Variants in PTPRD observed in about 807,000 individuals in gnomAD.
PTPRD encodes the protein receptor-type tyrosine-protein phosphatase delta.
PTPRD carries 34 observed loss-of-function variants against 214.5 expected under a neutral mutation model. The ratio of observed to expected loss-of-function variants is 0.16; its 90% CI spans 0.12 to 0.21. The LOEUF (loss-of-function observed/expected upper bound fraction) is 0.21, where lower values mean the gene tolerates loss of function less well. Ranked by LOEUF, PTPRD falls within the 10% of genes least tolerant of loss-of-function variation. PTPRD has a pLI of 1.00. For synonymous variants in PTPRD, 1,128 were observed against 845.7 expected, an observed-to-expected ratio of 1.33 and a Z score of -5.79; for missense variants, 2,545 against 2,398.7, an observed-to-expected ratio of 1.06 and a Z score of -1.27.
chr9:8,948,421 ATATTTAT>A (rs2099079562), intron 11 of PTPRD, among the ~76,000 whole-genome samples: 1 of 43,236 alleles, frequency 2.3e-5, no homozygotes, highest in Non-Finnish European at 4.6e-5. Flanking sequence ...ATATATATAT[ATATTTAT>A]ATATATATTT....
At chr9:9,041,765 T>A (rs528827027) in intron 10 of PTPRD, among the ~76,000 whole-genome samples, 16 of 152,158 alleles carry the variant, frequency 1.1e-4, no homozygotes, top group Non-Finnish European at 1.6e-4. Flanking sequence ...ATGGAGTACA[T>A]AAATCTTAGA....
At chr9:9,829,413 A>C (rs2054065661) in intron 5 of PTPRD, among the ~76,000 whole-genome samples, 1 of 151,862 alleles carries the variant, frequency 6.6e-6, no homozygotes, top group Non-Finnish European at 1.5e-5. Flanking sequence ...GTATACAAGC[A>C]CAGGTGTTGT....
At chr9:9,543,971 T>A (rs1333662152) in intron 8 of PTPRD, among the ~76,000 whole-genome samples, 2 of 151,616 alleles carry the variant, frequency 1.3e-5, no homozygotes, top group African/African-American at 4.8e-5. Flanking sequence ...AACTGTCAGA[T>A]TAGAATCCCT....
At chr9:10,103,395 T>TATATATATATA (rs34926923) in intron 3 of PTPRD, among the ~76,000 whole-genome samples, 1,360 of 116,646 alleles carry the variant, frequency 0.012, 107 homozygotes, top group African/African-American at 0.039. Context: ...ATATATATAT[T>TATATATATATA]TATTTAAGAG....
chr9:8,851,304 A>G (rs1212443015), intron 11 of PTPRD, among the ~76,000 whole-genome samples: 1 of 152,214 alleles, frequency 6.6e-6, no homozygotes, highest in East Asian at 1.9e-4. Flanking sequence ...ATCCCCAGGA[A>G]TATATTAATA....
intron 12 of PTPRD, among the ~76,000 whole-genome samples, chr9:8,723,999 A>C (rs1452416164): frequency 6.6e-6 from 1 of 152,228 alleles, no homozygotes. Flanking sequence ...TGTACAGTGA[A>C]TTTAAAACTT....
chr9:9,465,334 G>T (rs1008041433), intron 8 of PTPRD, among the ~76,000 whole-genome samples: 4 of 152,110 alleles, frequency 2.6e-5, no homozygotes, highest in African/African-American at 9.7e-5. Flanking sequence ...CTTAAGATAT[G>T]GAAAATGTAT....
At chr9:9,219,227 A>G (rs879625837) in intron 9 of PTPRD, among the ~76,000 whole-genome samples, 2 of 152,128 alleles carry the variant, frequency 1.3e-5, no homozygotes, top group African/African-American at 2.4e-5. Context: ...ATTTAAAAAC[A>G]CTGTCTGCAA....
At chr9:10,576,953 G>A (rs2069600182) in intron 2 of PTPRD, among the ~76,000 whole-genome samples, 1 of 124,880 alleles carries the variant, frequency 8.0e-6, no homozygotes, top group African/African-American at 3.2e-5. Flanking sequence ...TTATTTTCAT[G>A]CAATTTTATT....
chr9:8,561,609 G>A (rs142987856), intron 14 of PTPRD, among the ~76,000 whole-genome samples: 2 of 152,106 alleles, frequency 1.3e-5, no homozygotes, highest in Non-Finnish European at 2.9e-5. Context: ...TGGGGGTGAG[G>A]GGGGGTGGAG....
intron 39 of PTPRD, among the ~76,000 whole-genome samples, chr9:8,355,691 T>C (rs1332647915): frequency 6.6e-6 from 1 of 152,210 alleles, no homozygotes; most frequent in Non-Finnish European, 1.5e-5. Context: ...CCATGCAGTG[T>C]ACCCCAGGCA....
Position 8,708,123 on chromosome 9 carries a change from G to A in PTPRD, c.64+25657C>T, listed in dbSNP as rs149418104. On this transcript the variant is annotated intron_variant, in intron 12 of 45. Coordinates refer to ENST00000381196, the MANE Select transcript of PTPRD (RefSeq NM_002839.4). The stretch of plus-strand genomic sequence containing the variant: ...TCTCAATCCAACAAAAATGGATGCC[G>A]TGTATAAAATTTATATCTGTTCTTT... Among the ~76,000 whole-genome samples the A allele has an allele frequency of 5.8e-4, 89 of 152,306 alleles. 1 individual carries two copies. The highest frequency in any genetic ancestry group is 2.0e-3 in the African/African-American group (83 of 41,572).
intron 7 of PTPRD, among the ~76,000 whole-genome samples, chr9:9,650,040 T>C (rs553360770): frequency 6.6e-6 from 1 of 152,236 alleles, no homozygotes; most frequent in Admixed American, 6.5e-5. Context: ...AAATCTCATC[T>C]CAAATTGTAA....
intron 2 of PTPRD, among the ~76,000 whole-genome samples, chr9:10,421,828 AT>A (rs146179270): frequency 2.6e-5 from 4 of 151,478 alleles, no homozygotes; most frequent in Non-Finnish European, 4.4e-5. Context: ...CTATTTTTAT[AT>A]TTTTTTCTGC....
chr9:9,449,325 T>C (rs1206843952), intron 8 of PTPRD, among the ~76,000 whole-genome samples: 1 of 152,112 alleles, frequency 6.6e-6, no homozygotes, highest in Non-Finnish European at 1.5e-5. Flanking sequence ...TCAAACATTA[T>C]TAACAGATTG....
chr9:10,155,689 T>C (rs2154281934), intron 3 of PTPRD, among the ~76,000 whole-genome samples: 1 of 152,270 alleles, frequency 6.6e-6, no homozygotes, highest in East Asian at 1.9e-4. Flanking sequence ...TTCCTCTCCA[T>C]CTATTGAGAT....
chr9:8,450,381 T>C (rs10977113), intron 33 of PTPRD, among the ~76,000 whole-genome samples: 45 of 152,050 alleles, frequency 3.0e-4, no homozygotes, highest in African/African-American at 8.9e-4. Flanking sequence ...GTTATCCTAA[T>C]GCCTAGGATA....
intron 10 of PTPRD, among the ~76,000 whole-genome samples, chr9:9,138,655 C>T (rs1024764318): frequency 2.0e-5 from 3 of 152,072 alleles, no homozygotes; most frequent in South Asian, 2.1e-4. Flanking sequence ...TTTTAAGGTA[C>T]ATTCTTTAAC....
chr9:9,665,084 G>T (rs780156275), intron 7 of PTPRD, among the ~76,000 whole-genome samples: 1 of 151,582 alleles, frequency 6.6e-6, no homozygotes, highest in East Asian at 1.9e-4. Context: ...TGATACATAA[G>T]AAAGAGTATT....
Sources: allele counts gnomAD v4.1 joint callset (sites outside exome capture counted in the v4.1 genomes callset), GRCh38; gene constraint gnomAD v4.1.1; transcripts MANE v1.5; gene names NCBI Gene and HGNC (gene_info 2026-07-23, HGNC 2026-07-21).